Variants in LRP6 observed in about 807,000 individuals in gnomAD.
LRP6 encodes the protein low-density lipoprotein receptor-related protein 6.
A neutral mutation model predicts 184.1 loss-of-function variants in LRP6; 43 were observed. The ratio of observed to expected loss-of-function variants is 0.23; its 90% confidence interval spans 0.18 to 0.30. The LOEUF (loss-of-function observed/expected upper bound fraction) is 0.30. Ranked by LOEUF, LRP6 falls within the 10% of genes least tolerant of loss-of-function variation. The pLI, the probability that LRP6 is intolerant of heterozygous loss-of-function variation, is 1.00. For synonymous variants in LRP6, 719 were observed against 684.9 expected (o/e 1.05, Z -0.78); for missense variants, 1,571 against 2,005.3 (o/e 0.78, Z 4.14).
chr12:12,140,125 C>G (rs1163332425), intron 15 of LRP6, among the ~76,000 whole-genome samples: 1 of 151,282 alleles, frequency 6.6e-6, no homozygotes, highest in Non-Finnish European at 1.5e-5. Context: ...AAATTTGAAG[C>G]CCAAGACAAA....
chr12:12,230,561 G>A (rs114590073), intron 2 of LRP6, among the ~76,000 whole-genome samples: 218 of 151,922 alleles, frequency 1.4e-3, no homozygotes, highest in African/African-American at 5.2e-3. Flanking sequence ...CATGATCCTT[G>A]AAGTTACTTA....
At chr12:12,180,017 T>G (rs1051321704) in intron 6 of LRP6, 36 bp from the exon 7 acceptor site, 16 of 1,537,806 alleles carry the variant, frequency 1.0e-5, no homozygotes, top group African/African-American at 1.4e-5. Flanking sequence ...TAAAAATAGA[T>G]AATAAAATGT....
At chr12:12,135,474 T>TATTA (rs1279556667) in intron 16 of LRP6, among the ~76,000 whole-genome samples, 174 bp from the exon 17 acceptor site, 1 of 107,964 alleles carries the variant, frequency 9.3e-6, no homozygotes, top group Non-Finnish European at 1.9e-5. Flanking sequence ...TTTTTTTACT[T>TATTA]TTATCATTAT....
intron 7 of LRP6, among the ~76,000 whole-genome samples, chr12:12,176,888 C>T (rs1863199607): frequency 1.3e-5 from 2 of 150,388 alleles, no homozygotes; most frequent in Non-Finnish European, 3.0e-5. Flanking sequence ...GTTCTTGTCC[C>T]CCAGGCTGGA....
intron 2 of LRP6, among the ~76,000 whole-genome samples, chr12:12,240,312 G>A (rs752062493): frequency 3.5e-4 from 53 of 152,122 alleles, no homozygotes; most frequent in Non-Finnish European, 6.5e-4. Context: ...AGTGGCTCAC[G>A]CCTGTAATGC....
Position 12,169,011 on chromosome 12 carries a change from T to C in LRP6, c.1546-3716A>G, listed in dbSNP as rs144621027. On this transcript the variant is annotated intron_variant, in intron 7 of 22. Coordinates refer to ENST00000261349, the MANE Select transcript of LRP6 (RefSeq NM_002336.3). Reference sequence around the variant, plus strand: ...TGGGAGGCCAAGGCAGGAGGACCATTTGAGGTCAGGAGTTCGAGACTAGCC... The same window carrying C: ...TGGGAGGCCAAGGCAGGAGGACCATCTGAGGTCAGGAGTTCGAGACTAGCC... Among the ~76,000 whole-genome samples the C allele has an allele frequency of 2.1e-3, 325 of 152,240 alleles. 3 individuals carry two copies. Among genetic ancestry groups the C allele is most frequent in the African/African-American group, 7.4e-3 (309 of 41,544 alleles).
intron 2 of LRP6, among the ~76,000 whole-genome samples, chr12:12,220,375 G>A (rs552561553): frequency 6.6e-6 from 1 of 152,192 alleles, no homozygotes; most frequent in African/African-American, 2.4e-5. Context: ...TTATGTCAGA[G>A]AAAGTACAAA....
At chr12:12,244,172 T>C in intron 2 of LRP6, 90 bp downstream of exon 2, 2 of 1,312,484 alleles carry the variant, frequency 1.5e-6, no homozygotes, top group South Asian at 2.4e-5. Context: ...TTTCGATCTT[T>C]CTTTTCTCAT....
intron 19 of LRP6, among the ~76,000 whole-genome samples, chr12:12,127,662 G>T (rs911413767): frequency 2.0e-5 from 3 of 152,136 alleles, no homozygotes; most frequent in Non-Finnish European, 4.4e-5. Flanking sequence ...GAAGCAGAGG[G>T]CATCAATATC....
intron 1 of LRP6, among the ~76,000 whole-genome samples, chr12:12,256,405 A>G (rs1240119041): frequency 6.6e-6 from 1 of 152,062 alleles, no homozygotes; most frequent in Admixed American, 6.6e-5. Context: ...AAAAAATACA[A>G]AAACTTAGTT....
chr12:12,244,219 G>T (rs781179063), intron 2 of LRP6, 43 bp downstream of exon 2: 2 of 1,608,372 alleles, frequency 1.2e-6, no homozygotes, highest in South Asian at 2.2e-5. Context: ...GAGAAAAACC[G>T]AAAGGAGGTA....
chr12:12,260,871 C>T (rs1178874475), intron 1 of LRP6, among the ~76,000 whole-genome samples: 3 of 152,152 alleles, frequency 2.0e-5, no homozygotes, highest in South Asian at 2.1e-4. Context: ...AGAATTTCTA[C>T]GATGAAAATA....
chr12:12,265,424 A>G (rs1412053163), intron 1 of LRP6, among the ~76,000 whole-genome samples: 1 of 151,730 alleles, frequency 6.6e-6, no homozygotes, highest in Non-Finnish European at 1.5e-5. Flanking sequence ...AAAAAAACTC[A>G]ATCATTCTCA....
At position 12,242,362 on chromosome 12, in the gene LRP6, C is replaced by A. The variant is rs536482931; in HGVS notation, c.449+1900G>T. ...AAATGCAGAACTCTGAACATAATAACCATTTAACAGATATTTCATTAAATT... is the reference window on the plus strand; with the variant it reads ...AAATGCAGAACTCTGAACATAATAAACATTTAACAGATATTTCATTAAATT... On this transcript the variant is annotated intron_variant, in intron 2 of 22. Transcript: ENST00000261349. Among the ~76,000 whole-genome samples, 26 of 152,288 alleles carry A rather than the reference C, an allele frequency of 1.7e-4. 1 individual carries two copies. Among genetic ancestry groups the A allele is most frequent in the African/African-American group, 6.3e-4 (26 of 41,558 alleles).
intron 14 of LRP6, among the ~76,000 whole-genome samples, 179 bp downstream of exon 14, chr12:12,148,763 A>G (rs1361239622): frequency 6.6e-6 from 1 of 152,220 alleles, no homozygotes; most frequent in Non-Finnish European, 1.5e-5. Context: ...AAGTCTGGGC[A>G]GTGAAATCAG....
At chr12:12,226,694 T>C (rs1391094643) in intron 2 of LRP6, 1 of 152,252 alleles carries the variant, frequency 6.6e-6, no homozygotes, top group Non-Finnish European at 1.5e-5. Flanking sequence ...CAGCAGCACA[T>C]ATACTAACAC....
In LRP6 at chr12:12,244,680, TA is replaced by T. The variant is rs753531253; in HGVS notation, c.56-26del. On this transcript the variant is annotated intron_variant, in intron 1 of 22. Transcript: ENST00000261349. ...GCTAGAACAAAAAAAGAAAAATATGTAAGTGAAAAGGAAGAAAACGTATTGG... is the reference window on the plus strand; with the variant it reads ...GCTAGAACAAAAAAAGAAAAATATGTAGTGAAAAGGAAGAAAACGTATTGG... 5 of 1,611,528 alleles carry T rather than the reference TA, an allele frequency of 3.1e-6. No homozygotes were observed. In the South Asian group the frequency reaches 5.5e-5, roughly 18 times the overall value.
chr12:12,129,927 C>G (rs1949724649), intron 19 of LRP6, among the ~76,000 whole-genome samples: 1 of 152,156 alleles, frequency 6.6e-6, no homozygotes, highest in Non-Finnish European at 1.5e-5. Context: ...AAGCTGACTA[C>G]TCTCTCATTT....
At chr12:12,239,614 CA>C (rs763533966) in intron 2 of LRP6, among the ~76,000 whole-genome samples, 4 of 151,840 alleles carry the variant, frequency 2.6e-5, no homozygotes, top group East Asian at 3.9e-4. Flanking sequence ...CGAAGGTAGA[CA>C]AAATCCCCAA....
Sources: allele counts gnomAD v4.1 joint callset (sites outside exome capture counted in the v4.1 genomes callset), GRCh38; gene constraint gnomAD v4.1.1; transcripts MANE v1.5; gene names NCBI Gene and HGNC (gene_info 2026-07-23, HGNC 2026-07-21).